DHRS7B: variants seen among roughly 807,000 people sequenced by gnomAD.
DHRS7B encodes the protein peroxisomal reductase activating PPAR-gamma.
DHRS7B carries 24 observed loss-of-function variants against 26.4 expected under a neutral mutation model. That is an observed-to-expected ratio of 0.91 (90% CI 0.66 to 1.28). The LOEUF (loss-of-function observed/expected upper bound fraction) is 1.28, where lower values mean the gene tolerates loss of function less well. Ranked by LOEUF, DHRS7B falls within the 50% of genes most tolerant of loss-of-function variation. The pLI is 0.00. For missense variants in DHRS7B, 368 were observed against 419.4 expected (o/e 0.88, Z 1.07); for synonymous variants, 142 against 166.4 (o/e 0.85, Z 1.13).
chr17:21,177,295 C>T (rs556050944), intron 2 of DHRS7B, among the ~76,000 whole-genome samples: 7 of 152,342 alleles, frequency 4.6e-5, no homozygotes, highest in Middle Eastern at 3.4e-3. Context: ...TCCTAGGTTT[C>T]GGCCATCCGG....
At chr17:21,176,766 G>A (rs1021897920) in intron 2 of DHRS7B, among the ~76,000 whole-genome samples, 4 of 151,854 alleles carry the variant, frequency 2.6e-5, no homozygotes, top group Non-Finnish European at 4.4e-5. Context: ...TCTTACTACC[G>A]TGTTTGATAG....
intron 1 of DHRS7B, among the ~76,000 whole-genome samples, chr17:21,129,679 T>C (rs1389675283): frequency 8.1e-6 from 1 of 123,202 alleles, no homozygotes; most frequent in East Asian, 2.3e-4. Flanking sequence ...CACTCCAGCC[T>C]GGGCAGCAGA....
At chr17:21,161,519 A>T (rs568033117) in intron 1 of DHRS7B, among the ~76,000 whole-genome samples, 1 of 152,318 alleles carries the variant, frequency 6.6e-6, no homozygotes, top group African/African-American at 2.4e-5. Context: ...TAGATTGTAG[A>T]TTTGTCCTTC....
intron 1 of DHRS7B, chr17:21,166,541 A>C (rs1597747365): frequency 1.3e-4 from 1 of 7,520 alleles, no homozygotes; most frequent in Non-Finnish European, 2.6e-4. Context: ...ATTTGAGACC[A>C]AAAAAAAAAA....
At chr17:21,169,589 C>T (rs1464491453) in intron 1 of DHRS7B, among the ~76,000 whole-genome samples, 1 of 152,146 alleles carries the variant, frequency 6.6e-6, no homozygotes, top group Non-Finnish European at 1.5e-5. Context: ...CTCATGACCC[C>T]TGCACTGCCG....
At chr17:21,156,998 A>G (rs1350686564) in intron 1 of DHRS7B, among the ~76,000 whole-genome samples, 1 of 152,152 alleles carries the variant, frequency 6.6e-6, no homozygotes, top group African/African-American at 2.4e-5. Context: ...TGAAAAGACA[A>G]TCTGCCAAAA....
intron 1 of DHRS7B, chr17:21,127,757 A>T (rs1388360105): frequency 6.6e-6 from 1 of 152,170 alleles, no homozygotes. Context: ...CAAACCTTCC[A>T]TGTAGTGATT....
chr17:21,153,364 A>T (rs1973812923), intron 1 of DHRS7B, among the ~76,000 whole-genome samples: 1 of 152,222 alleles, frequency 6.6e-6, no homozygotes, highest in South Asian at 2.1e-4. Flanking sequence ...GAGAAAAAAG[A>T]CTGAAAAAAA....
chr17:21,168,589 G>C (rs774643099), intron 1 of DHRS7B: 12 of 362,620 alleles, frequency 3.3e-5, no homozygotes, highest in Non-Finnish European at 3.8e-5. Context: ...GGCTGGTCTT[G>C]AATTCCCAGG....
intron 1 of DHRS7B, among the ~76,000 whole-genome samples, chr17:21,162,708 T>C (rs1974024357): frequency 6.6e-6 from 1 of 152,066 alleles, no homozygotes. Context: ...TTCAGGGAGA[T>C]GGTGCCCAAG....
At chr17:21,166,564 C>T (rs947094770) in intron 1 of DHRS7B, 3 of 698,376 alleles carry the variant, frequency 4.3e-6, no homozygotes, top group Non-Finnish European at 5.3e-6. Flanking sequence ...GGCAGTTTGA[C>T]CCTGCCTTTA....
At chr17:21,181,603 A>G (rs145810272) in intron 3 of DHRS7B, among the ~76,000 whole-genome samples, 225 of 152,326 alleles carry the variant, frequency 1.5e-3, no homozygotes, top group African/African-American at 5.3e-3. Context: ...TAATCCATTC[A>G]TGAAGTTCCC....
chr17:21,149,609 A>C (rs761918517), intron 1 of DHRS7B, among the ~76,000 whole-genome samples: 5 of 152,212 alleles, frequency 3.3e-5, no homozygotes, highest in Non-Finnish European at 7.3e-5. Context: ...CTAAAAGTCA[A>C]AATGTGGGGG....
intron 1 of DHRS7B, among the ~76,000 whole-genome samples, chr17:21,155,638 T>A (rs1973863710): frequency 6.6e-6 from 1 of 152,222 alleles, no homozygotes; most frequent in Non-Finnish European, 1.5e-5. Context: ...AGTTAACATG[T>A]ATAAACTACT....
chr17:21,178,790 C>G (rs1974448398), intron 3 of DHRS7B, among the ~76,000 whole-genome samples: 1 of 151,822 alleles, frequency 6.6e-6, no homozygotes, highest in Non-Finnish European at 1.5e-5. Context: ...TCCTGAGTAG[C>G]TGGGATTACA....
At chr17:21,159,765 TTGGGAAGCTG>T (rs1973960506) in intron 1 of DHRS7B, among the ~76,000 whole-genome samples, 1 of 149,094 alleles carries the variant, frequency 6.7e-6, no homozygotes, top group Admixed American at 6.7e-5. Context: ...TCCTAGCTAC[TTGGGAAGCTG>T]AGGCAGGAGA....
At chr17:21,166,302 G>T (rs1014162321) in intron 1 of DHRS7B, 4 of 985,384 alleles carry the variant, frequency 4.1e-6, no homozygotes, top group Non-Finnish European at 4.8e-6. Context: ...TTAAACCAGG[G>T]AGCTGAAGGC....
At chr17:21,180,444 G>A (rs1974492190) in intron 3 of DHRS7B, among the ~76,000 whole-genome samples, 1 of 152,074 alleles carries the variant, frequency 6.6e-6, no homozygotes, top group Non-Finnish European at 1.5e-5. Flanking sequence ...ATGGTATTAG[G>A]TAAGAGTCCA....
chr17:21,168,794 A>G, intron 1 of DHRS7B: 2 of 985,458 alleles, frequency 2.0e-6, no homozygotes, highest in Non-Finnish European at 2.4e-6. Context: ...ACCCGGCGCC[A>G]TGTTTGCCTC....
Sources: allele counts gnomAD v4.1 joint callset (sites outside exome capture counted in the v4.1 genomes callset), GRCh38; gene constraint gnomAD v4.1.1; transcripts MANE v1.5; gene names NCBI Gene and HGNC (gene_info 2026-07-23, HGNC 2026-07-21).